GRIK1: variants seen among roughly 807,000 people sequenced by gnomAD.
GRIK1 encodes glutamate ionotropic receptor kainate type subunit 1, also known as glutamate receptor ionotropic, kainate 1.
In GRIK1, 69 loss-of-function variants were observed where a neutral mutation model predicts 105.7. The observed-to-expected ratio is 0.65, with a 90% CI of 0.54 to 0.80. The LOEUF (loss-of-function observed/expected upper bound fraction) is 0.80. GRIK1 is among the 30% of genes least tolerant of loss of function. The pLI is 0.00. For missense variants in GRIK1, 1,109 were observed against 1,167.3 expected, an observed-to-expected ratio of 0.95 and a Z score of 0.73; for synonymous variants, 438 against 431.3, an observed-to-expected ratio of 1.02 and a Z score of -0.19.
At position 29,925,946 on chromosome 21, in the gene GRIK1, C is replaced by T. The variant is rs180781621; in HGVS notation, c.118+13437G>A. 4.6e-3 allele frequency among the ~76,000 whole-genome samples: 695 copies of T among 152,192 alleles called. 1 individual carries two copies. The highest frequency in any genetic ancestry group is 0.016 in the African/African-American group (654 of 41,534). On this transcript the variant is annotated intron_variant, in intron 1 of 17. Coordinates refer to ENST00000327783, the MANE Select transcript of GRIK1 (RefSeq NM_001330994.2). ...ATTAGGATAATACAAATTGTAATGG[C>T]CGTAGACTCTAATTATTCTAAATTG...
intron 3 of GRIK1, among the ~76,000 whole-genome samples, chr21:29,677,938 C>A (rs363545): frequency 6.6e-6 from 1 of 152,202 alleles, no homozygotes; most frequent in Non-Finnish European, 1.5e-5. Flanking sequence ...CTACCTTACA[C>A]CGCAGTCCAA....
At chr21:29,865,579 T>C (rs1050545475) in intron 1 of GRIK1, among the ~76,000 whole-genome samples, 12 of 152,336 alleles carry the variant, frequency 7.9e-5, no homozygotes, top group African/African-American at 2.9e-4. Flanking sequence ...GGCACTAATT[T>C]TGCAAACACT....
chr21:29,708,940 T>G (rs1484410345), intron 1 of GRIK1, among the ~76,000 whole-genome samples: 1 of 152,222 alleles, frequency 6.6e-6, no homozygotes, highest in Non-Finnish European at 1.5e-5. Context: ...AACAAGATTT[T>G]TGTGTTTTCA....
chr21:29,790,655 G>C (rs1394492085), intron 1 of GRIK1, among the ~76,000 whole-genome samples: 4 of 152,044 alleles, frequency 2.6e-5, no homozygotes, highest in Middle Eastern at 6.8e-3. Flanking sequence ...GTCTCACTAT[G>C]TCAGTCAGGC....
intron 4 of GRIK1, among the ~76,000 whole-genome samples, chr21:29,672,666 G>C (rs1382008512): frequency 2.0e-5 from 3 of 151,922 alleles, no homozygotes; most frequent in African/African-American, 7.3e-5. Context: ...AGACATAAGA[G>C]AGAGAGAGAG....
chr21:29,724,373 T>A (rs1005711426), intron 1 of GRIK1, among the ~76,000 whole-genome samples: 2 of 152,142 alleles, frequency 1.3e-5, no homozygotes, highest in African/African-American at 4.8e-5. Flanking sequence ...CAACTATCAA[T>A]CTGGCAGGAT....
chr21:29,770,123 C>T (rs1325715282), intron 1 of GRIK1, among the ~76,000 whole-genome samples: 2 of 152,170 alleles, frequency 1.3e-5, no homozygotes, highest in African/African-American at 4.8e-5. Flanking sequence ...CATAGTTCTT[C>T]TTTCAACTGA....
Position 29,576,871 on chromosome 21 carries a change from TC to T in GRIK1, c.2130+92del, listed in dbSNP as rs1266452126. On this transcript the variant is annotated intron_variant, in intron 14 of 17. Coordinates refer to ENST00000327783, the MANE Select transcript of GRIK1 (RefSeq NM_001330994.2). ...AAAAAAATTACCCAACATCTTTTTT[TC>T]TTTTTTCTTTTTCTTTTTTTTTTCG... 6.2e-5 allele frequency: 46 copies of T among 736,146 alleles called. No individual in the cohort carries two copies. The African/African-American group carries it at 6.8e-4, about 11-fold the overall frequency. The allele number at this position is 736,146 out of a possible 1,614,324, so 45.6% of individuals were successfully genotyped here.
intron 1 of GRIK1, among the ~76,000 whole-genome samples, chr21:29,712,083 TACACACACACACACACAC>T (rs56017389): frequency 2.2e-5 from 3 of 135,368 alleles, no homozygotes; most frequent in Admixed American, 1.5e-4. Context: ...TATACATACA[TACACACACACACACACAC>T]ACACACACAC....
Position 29,877,868 on chromosome 21 carries a change from A to G in GRIK1, c.118+61515T>C, listed in dbSNP as rs146692548. The stretch of plus-strand genomic sequence containing the variant: ...GAGAGATGAGAAAGTCACCTTCTCC[A>G]TGCTCCCCAATCGAGTAAGAAAATC... On this transcript the variant is annotated intron_variant, in intron 1 of 17. Coordinates refer to ENST00000327783, the MANE Select transcript of GRIK1 (RefSeq NM_001330994.2). Among the ~76,000 whole-genome samples, 39 of 152,284 alleles carry G rather than the reference A, an allele frequency of 2.6e-4. No homozygotes were observed. The East Asian group carries it at 5.4e-3, about 21-fold the overall frequency.
intron 1 of GRIK1, among the ~76,000 whole-genome samples, chr21:29,827,819 A>G (rs2067503209): frequency 6.6e-6 from 1 of 151,986 alleles, no homozygotes; most frequent in Admixed American, 6.6e-5. Flanking sequence ...TTTGCTTACT[A>G]TTCTCAATTT....
At chr21:29,738,267 T>TCATGAA (rs1039256517) in intron 1 of GRIK1, among the ~76,000 whole-genome samples, 6 of 152,270 alleles carry the variant, frequency 3.9e-5, no homozygotes, top group Non-Finnish European at 7.3e-5. Flanking sequence ...ATATGTGTGC[T>TCATGAA]CACGAACACT....
intron 1 of GRIK1, among the ~76,000 whole-genome samples, chr21:29,745,205 C>T (rs1012706787): frequency 6.6e-6 from 1 of 152,092 alleles, no homozygotes; most frequent in Non-Finnish European, 1.5e-5. Context: ...TGGGGGTGCC[C>T]TCTGGCTAAC....
chr21:29,733,886 G>T (rs1202716587), intron 1 of GRIK1, among the ~76,000 whole-genome samples: 1 of 152,030 alleles, frequency 6.6e-6, no homozygotes, highest in Non-Finnish European at 1.5e-5. Context: ...GGATATAGTA[G>T]ATGTAAAACT....
intron 6 of GRIK1, among the ~76,000 whole-genome samples, chr21:29,646,570 C>T (rs537773084): frequency 9.2e-5 from 14 of 152,188 alleles, no homozygotes; most frequent in Non-Finnish European, 1.9e-4. Flanking sequence ...TCAGATGCCA[C>T]CTCATCTTAG....
At chr21:29,823,488 T>C (rs1807783662) in intron 1 of GRIK1, among the ~76,000 whole-genome samples, 1 of 151,998 alleles carries the variant, frequency 6.6e-6, no homozygotes, top group East Asian at 1.9e-4. Flanking sequence ...TGTAGCTTAG[T>C]ATAACACCAT....
chr21:29,575,847 A>G (rs1431074236), intron 14 of GRIK1, among the ~76,000 whole-genome samples: 1 of 152,072 alleles, frequency 6.6e-6, no homozygotes, highest in African/African-American at 2.4e-5. Flanking sequence ...AAAAAACAAA[A>G]CAAAAAAACA....
At chr21:29,538,462 A>G (rs1010967593) in intron 16 of GRIK1, among the ~76,000 whole-genome samples, 2 of 152,070 alleles carry the variant, frequency 1.3e-5, no homozygotes, top group African/African-American at 4.8e-5. Context: ...TAAGGTTTCA[A>G]TTATGCAAGA....
intron 1 of GRIK1, among the ~76,000 whole-genome samples, chr21:29,823,457 T>C (rs1339039847): frequency 1.3e-5 from 2 of 151,954 alleles, no homozygotes; most frequent in African/African-American, 2.4e-5. Flanking sequence ...ATACATAAAA[T>C]ATAATGTAAA....
Sources: allele counts gnomAD v4.1 joint callset (sites outside exome capture counted in the v4.1 genomes callset), GRCh38; gene constraint gnomAD v4.1.1; transcripts MANE v1.5; gene names NCBI Gene and HGNC (gene_info 2026-07-23, HGNC 2026-07-21).